The following COL2A1 variants were observed in gnomAD, a reference collection of about 807,000 sequenced individuals.
The protein encoded by COL2A1 is collagen alpha-1(II) chain.
In COL2A1, 28 loss-of-function variants were observed where a neutral mutation model predicts 204.5. That is an observed-to-expected ratio of 0.14 (90% CI 0.10 to 0.19). The LOEUF is 0.19. COL2A1 is among the 10% of genes least tolerant of loss of function. COL2A1 has a pLI of 1.00. For missense variants in COL2A1, 1,388 were observed against 2,027.5 expected, an observed-to-expected ratio of 0.68 and a Z score of 6.06; for synonymous variants, 708 against 718.7, an observed-to-expected ratio of 0.99 and a Z score of 0.24.
At chr12:47,974,466 T>A in intron 52 of COL2A1, 135 bp from the exon 53 acceptor site, 1 of 1,364,646 alleles carries the variant, frequency 7.3e-7, no homozygotes, top group East Asian at 2.4e-5. Flanking sequence ...GTTGGACATT[T>A]TTGCTTCCAG....
Position 48,004,450 on chromosome 12 carries a change from A to C in COL2A1, c.-129T>G, listed in dbSNP as rs1940384878. 1.7e-6 allele frequency: 1 copy of C among 591,042 alleles called. No individual in the cohort carries two copies. The highest frequency in any genetic ancestry group is 3.0e-5 in the Admixed American group (1 of 33,700). The allele number at this position is 591,042 out of a possible 1,614,324, so 36.6% of individuals were successfully genotyped here. On this transcript the variant is annotated 5_prime_UTR_variant, in exon 1 of 54. Coordinates refer to ENST00000380518, the MANE Select transcript of COL2A1 (RefSeq NM_001844.5). ...CCTTGGAGCAGGAGGGGGAAGCGGG[A>C]GACCCGGCAGCCCAGCAGCGCTCTG...
In COL2A1 at chr12:47,973,241, G is replaced by T. The variant is rs1938521825; in HGVS notation, c.*166C>A. 15 of 841,550 alleles carry T rather than the reference G, an allele frequency of 1.8e-5. No individual in the cohort carries two copies. Among genetic ancestry groups the T allele is most frequent in the Non-Finnish European group, 4.1e-6 (2 of 487,520 alleles). 52.1% of individuals were successfully genotyped at this position (841,550 alleles called of 1,614,324 possible). On this transcript the variant is annotated 3_prime_UTR_variant, in exon 54 of 54. Coordinates refer to ENST00000380518, the MANE Select transcript of COL2A1 (RefSeq NM_001844.5). ...TTATTTTGCAGTCTGCCCAGTTCAG[G>T]TCTCTTAGAAAGAGAGGGGAGAAAA...
chr12:47,982,241 G>T, intron 34 of COL2A1, 81 bp from the exon 35 acceptor site: 1 of 1,279,394 alleles, frequency 7.8e-7, no homozygotes, highest in Non-Finnish European at 1.1e-6. Flanking sequence ...AGGCTGGGGT[G>T]CTAGGGAAAG....
rs767949699 is a variant in COL2A1, at chr12:47,992,884, G to A, written c.1017C>T (p.Gly339=). Residue 339 remains glycine (G), a synonymous_variant, in exon 16 of 54, where the codon GGC becomes GGT. Coordinates refer to ENST00000380518, the MANE Select transcript of COL2A1 (RefSeq NM_001844.5). ...GGCTTTGTCAATTACTCACCGCAGC[G>A]CCAGCAGGGCCAGTCCGTCCTCTTT... ...PGERGRTGPA[G]AAGARGNDGQ... 58 of 1,614,004 alleles carry A rather than the reference G, an allele frequency of 3.6e-5. No homozygotes were observed. The highest frequency in any genetic ancestry group is 4.4e-5 in the South Asian group (4 of 91,076).
At chr12:47,997,457 T>C in intron 7 of COL2A1, 149 bp downstream of exon 7, 2 of 1,419,844 alleles carry the variant, frequency 1.4e-6, no homozygotes, top group Non-Finnish European at 2.0e-6. Flanking sequence ...GTGACTCTTC[T>C]AAATTACAGG....
At chr12:47,986,068 AGCAGTAGCTGTGG>A in intron 23 of COL2A1, 103 bp from the exon 24 acceptor site, 3 of 1,156,320 alleles carry the variant, frequency 2.6e-6, no homozygotes, top group Non-Finnish European at 3.8e-6. Context: ...ATTTCTGGGG[AGCAGTAGCTGTGG>A]CCTGCAGGAT....
chr12:47,975,361 C>T lies in COL2A1; in HGVS notation c.3842G>A (p.Arg1281His), dbSNP rs763097721. The T allele has an allele frequency of 9.5e-5, 154 of 1,614,048 alleles. 1 individual carries two copies. The highest frequency in any genetic ancestry group is 1.2e-4 in the Non-Finnish European group (147 of 1,180,040). ...GCAGAGTTTCAGGTCTCTGCAGGTGCGAGCAGGGTTCTTGCGGGAGCCCTC... is the reference window on the plus strand; with the variant it reads ...GCAGAGTTTCAGGTCTCTGCAGGTGTGAGCAGGGTTCTTGCGGGAGCCCTC... ...SPEGSRKNPA[R>H]TCRDLKLCHP... Residue 1281 changes from arginine (R) to histidine (H), a missense_variant, in exon 51 of 54, where the codon CGC (arginine) becomes CAC (histidine). Physicochemically the swap from Arg to His is conservative, Grantham distance 29. This residue lies in a region of COL2A1 where 303 missense variants were observed against 369.2 expected (regional missense o/e 0.82). Transcript: ENST00000380518.
chr12:47,981,881 C>G, intron 35 of COL2A1, 52 bp from the exon 36 acceptor site: 1 of 1,539,860 alleles, frequency 6.5e-7, no homozygotes, highest in Non-Finnish European at 8.8e-7. Flanking sequence ...CAGCCGAGCA[C>G]GTGCGGCCCG....
In COL2A1 at chr12:47,998,047, TC is replaced by T. The variant is rs1468645171; in HGVS notation, c.359del (p.Gly120AspfsTer79). Reference sequence around the variant, plus strand: ...CCTCTCTTACCTGAGGCCCAGGAGGTCCTTTGGGTCCTACAATCTGTGAGAG... The same window carrying T: ...CCTCTCTTACCTGAGGCCCAGGAGGTCTTTGGGTCCTACAATCTGTGAGAG... ...GDIKDIVGPK[G>X]PPGPQGPAGE... On this transcript the variant is annotated frameshift_variant, in exon 5 of 54. Coordinates refer to ENST00000380518, the MANE Select transcript of COL2A1 (RefSeq NM_001844.5). LOFTEE classifies it high-confidence loss of function. The T allele has an allele frequency of 6.2e-7, 1 of 1,613,904 alleles. No homozygotes were observed. Among genetic ancestry groups the T allele is most frequent in the Non-Finnish European group, 8.5e-7 (1 of 1,179,996 alleles).
intron 34 of COL2A1, 108 bp downstream of exon 34, chr12:47,982,394 A>G: frequency 1.0e-6 from 1 of 987,992 alleles, no homozygotes; most frequent in East Asian, 2.5e-5. Context: ...AAAAAGGGCT[A>G]ACAGAAACCT....
Position 47,978,855 on chromosome 12 carries a change from TG to T in COL2A1, c.2734-98del. Reference sequence around the variant, plus strand: ...GCCTCAGTGACAGCAGTTTCCTCTCTGGGGGCTTCTCTACCTCCCCACACTA... The same window carrying T: ...GCCTCAGTGACAGCAGTTTCCTCTCTGGGGCTTCTCTACCTCCCCACACTA... On this transcript the variant is annotated intron_variant, in intron 41 of 53. Transcript: ENST00000380518. The surrounding 1 kb of genome is among the most constrained non-coding windows in gnomAD (Gnocchi z 5.5). 7.6e-7 allele frequency: 1 copy of T among 1,319,414 alleles called. No individual in the cohort carries two copies. Among genetic ancestry groups the T allele is most frequent in the Non-Finnish European group, 1.1e-6 (1 of 928,196 alleles). The allele number at this position is 1,319,414 out of a possible 1,614,324, so 81.7% of individuals were successfully genotyped here. A position where few individuals can be genotyped will look rare whatever the true frequency, so the allele number is the denominator to read the frequency against.
At position 47,973,316 on chromosome 12, in the gene COL2A1, A is replaced by G; in HGVS notation, c.*91T>C. The G allele has an allele frequency of 6.4e-7, 1 of 1,559,954 alleles. No individual in the cohort carries two copies. Among genetic ancestry groups the G allele is most frequent in the Non-Finnish European group, 8.8e-7 (1 of 1,130,638 alleles). On this transcript the variant is annotated 3_prime_UTR_variant, in exon 54 of 54. Transcript: ENST00000380518. The stretch of plus-strand genomic sequence containing the variant: ...GAATGGACATCAGGTCAGGTCAGCC[A>G]TTCAGTGCAGAGTCCTAGAGTGACT...
chr12:47,989,348 G>A (rs949821600), intron 17 of COL2A1, 67 bp from the exon 18 acceptor site: 6 of 1,254,384 alleles, frequency 4.8e-6, no homozygotes, highest in African/African-American at 1.5e-5. Flanking sequence ...GAGCCACCCC[G>A]ACACCTCACA....
At chr12:47,982,672 G>GTAACCA in intron 33 of COL2A1, 63 bp from the exon 34 acceptor site, 1 of 1,359,376 alleles carries the variant, frequency 7.4e-7, no homozygotes, top group Non-Finnish European at 1.0e-6. Context: ...CCATGTTCAT[G>GTAACCA]GAGCCTGGGT....
intron 37 of COL2A1, 95 bp downstream of exon 37, chr12:47,981,248 G>T: frequency 7.3e-7 from 1 of 1,361,378 alleles, no homozygotes; most frequent in Non-Finnish European, 1.0e-6. Context: ...CAGCACACAG[G>T]GCCACCAGGC....
In COL2A1 at chr12:47,977,393, G is replaced by A; in HGVS notation, c.3200C>T (p.Pro1067Leu). The A allele has an allele frequency of 6.2e-7, 1 of 1,613,400 alleles. No homozygotes were observed. The highest frequency in any genetic ancestry group is 2.2e-5 in the East Asian group (1 of 44,886). ...DRGETGAVGA[P>L]GAPGPPGSPG... is the part of the protein sequence containing the mutation. Reference sequence around the variant, plus strand: ...GGAGCCAGGGGGCCCAGGGGCTCCAGGAGCTCCCACAGCACCAGTCTCACC... The same window carrying A: ...GGAGCCAGGGGGCCCAGGGGCTCCAAGAGCTCCCACAGCACCAGTCTCACC... Residue 1067 changes from proline to leucine, a missense_variant, in exon 46 of 54, where the codon CCT becomes CTT. Pro to Leu is a moderately conservative substitution (Grantham distance 98). Around this residue, in one of 3 missense-constraint regions of COL2A1, gnomAD observed 884 missense variants for 1,415.8 expected, o/e 0.62. Transcript: ENST00000380518.
In COL2A1 at chr12:47,981,794, A is replaced by G; in HGVS notation, c.2391T>C (p.Ala797=). 1 of 1,554,510 alleles carries G rather than the reference A, an allele frequency of 6.4e-7. No individual in the cohort carries two copies. Among genetic ancestry groups the G allele is most frequent in the Non-Finnish European group, 8.7e-7 (1 of 1,148,614 alleles). Residue 797 remains alanine, a synonymous_variant, in exon 36 of 54, where the codon GCT becomes GCC. Coordinates refer to ENST00000380518, the MANE Select transcript of COL2A1 (RefSeq NM_001844.5). ...LTGPIGPPGP[A]GANGEKGEVG... ...GACTCACCTTCTCGCCATTAGCACC[A>G]GCTGGGCCAGGGGGGCCAATGGGAC...
At position 47,980,092 on chromosome 12, in the gene COL2A1, C is replaced by T. The variant is rs1252114191; in HGVS notation, c.2626-30G>A. On this transcript the variant is annotated intron_variant, in intron 39 of 53. Transcript: ENST00000380518. This position sits in a 1 kb window ranked among gnomAD's most constrained non-coding sequence, Gnocchi z 4.5. ...AAAGGAAAGAGGGAGACAGTGAGGCCCAGTGGCCCAAGGAAGACGGTGGGC... is the reference window on the plus strand; with the variant it reads ...AAAGGAAAGAGGGAGACAGTGAGGCTCAGTGGCCCAAGGAAGACGGTGGGC... 1 of 1,542,428 alleles carries T rather than the reference C, an allele frequency of 6.5e-7. No individual in the cohort carries two copies. The highest frequency in any genetic ancestry group is 1.2e-5 in the South Asian group (1 of 83,920).
Position 48,000,408 on chromosome 12 carries a change from T to G in COL2A1, c.86-283A>C, listed in dbSNP as rs1404828877. Among the ~76,000 whole-genome samples, 3 of 152,194 alleles carry G rather than the reference T, an allele frequency of 2.0e-5. No homozygotes were observed. In the East Asian group the frequency reaches 5.8e-4, roughly 29 times the overall value. ...GAAGGTGGGGGGTTACTATACTATATTCTCTTTACCCACCTAATACGGGGG... is the reference window on the plus strand; with the variant it reads ...GAAGGTGGGGGGTTACTATACTATAGTCTCTTTACCCACCTAATACGGGGG... On this transcript the variant is annotated intron_variant, in intron 1 of 53. Transcript: ENST00000380518.
Sources: allele counts gnomAD v4.1 joint callset (sites outside exome capture counted in the v4.1 genomes callset), GRCh38; gene constraint gnomAD v4.1.1; regional missense constraint gnomAD v4.1.1; non-coding constraint Gnocchi (gnomAD v3.1); transcripts MANE v1.5; gene names NCBI Gene and HGNC (gene_info 2026-07-23, HGNC 2026-07-21).